PCDHA6: variants seen among roughly 807,000 people sequenced by gnomAD.
The protein encoded by PCDHA6 is protocadherin alpha 6, also known as protocadherin alpha-6.
Under a neutral mutation model 60.3 loss-of-function variants are expected in PCDHA6, and 55 were observed. That is an observed-to-expected ratio of 0.91 (90% confidence interval 0.73 to 1.14). The LOEUF (loss-of-function observed/expected upper bound fraction) is 1.14, where lower values mean the gene tolerates loss of function less well. Ranked by LOEUF, PCDHA6 falls within the 50% of genes most tolerant of loss-of-function variation. The pLI is 0.00. For synonymous variants in PCDHA6, 652 were observed against 557.9 expected, an observed-to-expected ratio of 1.17 and a Z score of -2.38; for missense variants, 1,327 against 1,256.5, an observed-to-expected ratio of 1.06 and a Z score of -0.85.
At chr5:140,943,630 T>C (rs1224015760) in intron 1 of PCDHA6, among the ~76,000 whole-genome samples, 1 of 152,130 alleles carries the variant, frequency 6.6e-6, no homozygotes, top group Non-Finnish European at 1.5e-5. Flanking sequence ...ATAAGGAAGC[T>C]GGATTATGGA....
intron 1 of PCDHA6, chr5:140,870,894 T>C (rs2052511877): frequency 1.2e-6 from 2 of 1,613,938 alleles, no homozygotes; most frequent in East Asian, 2.2e-5. Flanking sequence ...GCGCAGTGGA[T>C]GCGGACTCAG....
At chr5:140,952,325 T>G in intron 1 of PCDHA6, among the ~76,000 whole-genome samples, 1 of 133,382 alleles carries the variant, frequency 7.5e-6, no homozygotes, top group Non-Finnish European at 1.6e-5. Context: ...GCAACAAGAG[T>G]GAAACTCCAT....
intron 1 of PCDHA6, among the ~76,000 whole-genome samples, chr5:140,839,040 T>C (rs1469530871): frequency 6.6e-6 from 1 of 152,080 alleles, no homozygotes; most frequent in Non-Finnish European, 1.5e-5. Flanking sequence ...TGTTTTCTTT[T>C]CAACGTGAAT....
At chr5:140,844,198 T>C (rs1163968581) in intron 1 of PCDHA6, among the ~76,000 whole-genome samples, 4 of 149,848 alleles carry the variant, frequency 2.7e-5, no homozygotes, top group South Asian at 4.2e-4. Context: ...TCTGACTTTT[T>C]AGTGTCTGGT....
At chr5:140,854,852 A>G (rs1161281269) in intron 1 of PCDHA6, among the ~76,000 whole-genome samples, 1 of 149,940 alleles carries the variant, frequency 6.7e-6, no homozygotes, top group African/African-American at 2.4e-5. Flanking sequence ...TGATAAAATT[A>G]CTAGATATAT....
Position 140,830,051 on chromosome 5 carries a change from C to T in PCDHA6, c.1960C>T (p.His654Tyr), listed in dbSNP as rs1276520798. The change falls in exon 1 of 4, where the codon CAC becomes TAC. Residue 654 changes from histidine to tyrosine, a missense_variant. Transcript: ENST00000529310. ...CCGGCTGCTGGTGCTGGTGAAAGACCACGGTGAGCCGGCGCTGACAGCGAC... is the reference window on the plus strand; with the variant it reads ...CCGGCTGCTGGTGCTGGTGAAAGACTACGGTGAGCCGGCGCTGACAGCGAC... ...RHRLLVLVKDHGEPALTATAT... is the reference protein window; with the variant it reads ...RHRLLVLVKDYGEPALTATAT... 1.2e-6 allele frequency: 2 copies of T among 1,613,610 alleles called. No individual in the cohort carries two copies. The highest frequency in any genetic ancestry group is 1.6e-4 in the Middle Eastern group (1 of 6,082).
intron 1 of PCDHA6, chr5:140,868,954 C>G: frequency 7.4e-7 from 1 of 1,348,952 alleles, no homozygotes; most frequent in Non-Finnish European, 1.0e-6. Flanking sequence ...GTGAGGCACT[C>G]CCATACAAAG....
chr5:140,870,179 G>A, intron 1 of PCDHA6: 1 of 1,614,104 alleles, frequency 6.2e-7, no homozygotes, highest in South Asian at 1.1e-5. Context: ...CTCCCAGTAC[G>A]AGAGGACGCT....
Position 141,010,180 on chromosome 5 carries a change from AC to A in PCDHA6, c.*246del. The stretch of plus-strand genomic sequence containing the variant: ...CTTGTTTTCAGAACCTAAAAAGCAG[AC>A]CCAAGTTTCCTTTCTCCTCCGCCGC... On this transcript the variant is annotated 3_prime_UTR_variant, in exon 4 of 4. Coordinates refer to ENST00000529310, the MANE Select transcript of PCDHA6 (RefSeq NM_018909.4). 2 of 1,554,710 alleles carry A rather than the reference AC, an allele frequency of 1.3e-6. No individual in the cohort carries two copies. The highest frequency in any genetic ancestry group is 1.7e-6 in the Non-Finnish European group (2 of 1,148,310).
chr5:140,835,892 G>T (rs1774026937), intron 1 of PCDHA6: 1 of 1,612,006 alleles, frequency 6.2e-7, no homozygotes, highest in Non-Finnish European at 8.5e-7. Context: ...GCGAGCGCGC[G>T]CTGTCGAGCT....
rs371368253 is a variant in PCDHA6, at chr5:140,871,153, G to C, written c.2394+40668G>C. 77 of 1,613,298 alleles carry C rather than the reference G, an allele frequency of 4.8e-5. No homozygotes were observed. The African/African-American group carries it at 9.2e-4, about 19-fold the overall frequency. On this transcript the variant is annotated intron_variant, in intron 1 of 3. Transcript: ENST00000529310. ...AAAGGCCTCTTCCCGGACTTTGGCG[G>C]GCGCCGCGAGCCCAGAGGCTGCGCT...
chr5:140,871,473 A>G, intron 1 of PCDHA6: 2 of 1,600,218 alleles, frequency 1.2e-6, no homozygotes, highest in African/African-American at 1.3e-5. Flanking sequence ...GACAGGAGCC[A>G]GGGTCAAATC....
At chr5:140,872,392 T>C (rs2053635930) in intron 1 of PCDHA6, among the ~76,000 whole-genome samples, 1 of 152,152 alleles carries the variant, frequency 6.6e-6, no homozygotes, top group African/African-American at 2.4e-5. Flanking sequence ...TTTGGGAGGC[T>C]GAGGCAGGAG....
At chr5:140,830,548 A>G in intron 1 of PCDHA6, 63 bp downstream of exon 1, 1 of 1,123,746 alleles carries the variant, frequency 8.9e-7, no homozygotes, top group Non-Finnish European at 1.2e-6. Context: ...TTTTCCTCAT[A>G]TTTGTCTTCT....
chr5:140,967,756 C>T (rs1554229911), intron 1 of PCDHA6: 2 of 1,614,216 alleles, frequency 1.2e-6, no homozygotes, highest in Middle Eastern at 1.6e-4. Context: ...AAGCCTCCTC[C>T]TACCAGATCT....
At position 140,843,039 on chromosome 5, in the gene PCDHA6, C is replaced by T; in HGVS notation, c.2394+12554C>T. 4.4e-6 allele frequency: 7 copies of T among 1,595,204 alleles called. 1 individual carries two copies. The highest frequency in any genetic ancestry group is 6.0e-6 in the Non-Finnish European group (7 of 1,165,364). ...CTGCTGGAGCCTCGGGTGGGTGGCA[C>T]TGGTGGCGCAGCGAGCAAGCTGGTG... On this transcript the variant is annotated intron_variant, in intron 1 of 3. Coordinates refer to ENST00000529310, the MANE Select transcript of PCDHA6 (RefSeq NM_018909.4).
At chr5:140,867,891 G>A (rs1468636250) in intron 1 of PCDHA6, 1 of 152,016 alleles carries the variant, frequency 6.6e-6, no homozygotes, top group Non-Finnish European at 1.5e-5. Flanking sequence ...CACAATATCA[G>A]GTACTTACAG....
intron 1 of PCDHA6, among the ~76,000 whole-genome samples, chr5:140,904,548 A>T (rs1280388333): frequency 1.3e-5 from 2 of 152,050 alleles, no homozygotes; most frequent in Admixed American, 1.3e-4. Flanking sequence ...TCTTTTTCAT[A>T]TAATGACTTT....
intron 1 of PCDHA6, among the ~76,000 whole-genome samples, chr5:140,978,570 G>C (rs151127662): frequency 6.6e-6 from 1 of 152,196 alleles, no homozygotes; most frequent in Middle Eastern, 3.2e-3. Flanking sequence ...CTGTAATACT[G>C]AATTGGGAAT....
Sources: gnomAD v4.1 joint callset for allele counts (sites outside exome capture counted in the v4.1 genomes callset) on GRCh38, gnomAD v4.1.1 for gene constraint, MANE v1.5 for transcripts, NCBI Gene and HGNC (gene_info 2026-07-23, HGNC 2026-07-21) for gene names.